The following PCDHA6 variants were observed in gnomAD, a reference collection of about 807,000 sequenced individuals.
The protein encoded by PCDHA6 is protocadherin alpha 6.
A neutral mutation model predicts 60.3 loss-of-function variants in PCDHA6; 55 were observed. The observed-to-expected ratio is 0.91, with a 90% CI of 0.73 to 1.14. The LOEUF is 1.14. PCDHA6 is among the 50% of genes most tolerant of loss of function. The pLI, the probability that PCDHA6 is intolerant of heterozygous loss-of-function variation, is 0.00. For missense variants in PCDHA6, 1,327 were observed against 1,256.5 expected, an observed-to-expected ratio of 1.06 and a Z score of -0.85; for synonymous variants, 652 against 557.9, an observed-to-expected ratio of 1.17 and a Z score of -2.38.
At chr5:140,835,791 C>T in intron 1 of PCDHA6, 1 of 1,613,176 alleles carries the variant, frequency 6.2e-7, no homozygotes, top group Non-Finnish European at 8.5e-7. Flanking sequence ...GAACAACCCG[C>T]CGGGCTGCCA....
In PCDHA6 at chr5:140,857,031, C is replaced by A. The variant is rs782539359; in HGVS notation, c.2394+26546C>A. 6 of 1,596,318 alleles carry A rather than the reference C, an allele frequency of 3.8e-6. No homozygotes were observed. The South Asian group carries it at 6.6e-5, about 18-fold the overall frequency. On this transcript the variant is annotated intron_variant, in intron 1 of 3. Coordinates refer to ENST00000529310, the MANE Select transcript of PCDHA6 (RefSeq NM_018909.4). The stretch of plus-strand genomic sequence containing the variant: ...GATGTTACAGATAAGGGAAACCCAC[C>A]TATGGTTGGTCACTGCACGGTCCTA...
intron 1 of PCDHA6, among the ~76,000 whole-genome samples, chr5:140,951,775 A>G (rs1554220072): frequency 1.3e-5 from 2 of 152,164 alleles, no homozygotes; most frequent in African/African-American, 4.8e-5. Context: ...ACGTTCTTAC[A>G]TTGCAAAATA....
intron 1 of PCDHA6, chr5:140,866,767 G>C (rs913136809): frequency 1.3e-5 from 2 of 152,154 alleles, no homozygotes; most frequent in East Asian, 1.9e-4. Context: ...CATACAGGCA[G>C]ATTGTATGTC....
At chr5:140,884,344 G>C in intron 1 of PCDHA6, 1 of 1,613,904 alleles carries the variant, frequency 6.2e-7, no homozygotes, top group Non-Finnish European at 8.5e-7. Context: ...CAGAAGCGGC[G>C]CTGGTGGATG....
At chr5:140,928,977 T>C in intron 1 of PCDHA6, 1 of 1,613,888 alleles carries the variant, frequency 6.2e-7, no homozygotes, top group Non-Finnish European at 8.5e-7. Context: ...CCTTTTTATT[T>C]CTGGGGTGCT....
Position 140,883,957 on chromosome 5 carries a change from G to A in PCDHA6, c.2394+53472G>A, listed in dbSNP as rs879988838. ...TGCTGGACGAGAACGACAACGCTCC[G>A]GCGCTGCTGACGCCCGGGGCTGGCA... On this transcript the variant is annotated intron_variant, in intron 1 of 3. Coordinates refer to ENST00000529310, the MANE Select transcript of PCDHA6 (RefSeq NM_018909.4). 10 of 1,613,246 alleles carry A rather than the reference G, an allele frequency of 6.2e-6. No individual in the cohort carries two copies. In the East Asian group the frequency reaches 1.3e-4, roughly 22 times the overall value.
At chr5:140,858,414 T>C (rs2045398069) in intron 1 of PCDHA6, 1 of 1,562,782 alleles carries the variant, frequency 6.4e-7, no homozygotes. Flanking sequence ...GATCAGTCTA[T>C]TGGAGGGGAC....
chr5:140,908,405 C>T (rs2073952752), intron 1 of PCDHA6, among the ~76,000 whole-genome samples: 1 of 152,150 alleles, frequency 6.6e-6, no homozygotes, highest in Non-Finnish European at 1.5e-5. Flanking sequence ...ATACCACTTC[C>T]ATTTGATGAT....
intron 1 of PCDHA6, among the ~76,000 whole-genome samples, chr5:140,947,689 G>A (rs1276078725): frequency 2.0e-5 from 3 of 151,490 alleles, no homozygotes; most frequent in African/African-American, 4.8e-5. Context: ...GTCTCAGCAT[G>A]TTCTGTAGTT....
intron 1 of PCDHA6, among the ~76,000 whole-genome samples, chr5:140,834,039 C>T (rs2150213066): frequency 6.6e-6 from 1 of 152,144 alleles, no homozygotes; most frequent in Non-Finnish European, 1.5e-5. Flanking sequence ...CATCAGTCGC[C>T]TAAGAATGCT....
At chr5:140,986,859 C>T (rs1554248338) in intron 3 of PCDHA6, among the ~76,000 whole-genome samples, 1 of 152,152 alleles carries the variant, frequency 6.6e-6, no homozygotes, top group East Asian at 1.9e-4. Context: ...ACCAACAATA[C>T]CCGGAAACTT....
chr5:140,967,836 A>G, intron 1 of PCDHA6: 1 of 1,614,136 alleles, frequency 6.2e-7, no homozygotes, highest in African/African-American at 1.3e-5. Flanking sequence ...GACATCGTGG[A>G]CGTGAATGAC....
At position 140,857,621 on chromosome 5, in the gene PCDHA6, G is replaced by A. The variant is rs962164938; in HGVS notation, c.2394+27136G>A. ...GTACGCGCTGCAGCCGCTGGACCAC[G>A]AGGAGCTGGAGCTGCTACAGTTCCA... On this transcript the variant is annotated intron_variant, in intron 1 of 3. Transcript: ENST00000529310. The A allele has an allele frequency of 4.4e-6, 7 of 1,596,528 alleles. 1 individual carries two copies. In the African/African-American group the frequency reaches 8.1e-5, roughly 18 times the overall value.
chr5:140,881,446 TC>T, intron 1 of PCDHA6: 1 of 787,056 alleles, frequency 1.3e-6, no homozygotes, highest in Non-Finnish European at 1.5e-6. Flanking sequence ...AAAAACAGAA[TC>T]CAAAACCTTA....
rs1424640992 is a variant in PCDHA6 at position 140,843,839 on chromosome 5, T to A, written c.2394+13354T>A. On this transcript the variant is annotated intron_variant, in intron 1 of 3. Transcript: ENST00000529310. The stretch of plus-strand genomic sequence containing the variant: ...GAAAATTTAAACATTGTTTAGTTTT[T>A]AGAAACCTTTTATAATTAATTGAAT... The A allele has an allele frequency of 3.1e-5, 33 of 1,049,446 alleles. 4 individuals carry two copies. The Admixed American group carries it at 7.9e-4, about 25-fold the overall frequency. 65.0% of individuals were successfully genotyped at this position (1,049,446 alleles called of 1,614,324 possible).
rs569501434 is a variant in PCDHA6 at position 140,980,458 on chromosome 5, T to C, written c.2453+1451T>C. Among the ~76,000 whole-genome samples the C allele has an allele frequency of 1.6e-4, 25 of 152,264 alleles. No individual in the cohort carries two copies. The South Asian group carries it at 2.7e-3, about 16-fold the overall frequency. ...CATCCTGGACAACACGGTGAAACCC[T>C]GTCTCTACTAAAAATACAAAAATTA... On this transcript the variant is annotated intron_variant, in intron 2 of 3. Coordinates refer to ENST00000529310, the MANE Select transcript of PCDHA6 (RefSeq NM_018909.4).
chr5:140,870,475 G>T, intron 1 of PCDHA6: 2 of 1,614,214 alleles, frequency 1.2e-6, no homozygotes, highest in Non-Finnish European at 1.7e-6. Flanking sequence ...CGCACAGCCC[G>T]AGTACACCGT....
chr5:140,886,827 GAA>G (rs782016620), intron 1 of PCDHA6, among the ~76,000 whole-genome samples: 14 of 60,910 alleles, frequency 2.3e-4, no homozygotes, highest in Non-Finnish European at 3.3e-4. Context: ...ACTTCGTCTT[GAA>G]AAAAAAAAAA....
chr5:140,869,552 C>G lies in PCDHA6; in HGVS notation c.2394+39067C>G, dbSNP rs537127263. ...ATTGCGGAATCTAAGCAATCGGACT[C>G]GCGTTTTCCACTAGAGGGAGCTTCT... On this transcript the variant is annotated intron_variant, in intron 1 of 3. Transcript: ENST00000529310. 12 of 1,614,022 alleles carry G rather than the reference C, an allele frequency of 7.4e-6. No homozygotes were observed. The African/African-American group carries it at 1.5e-4, about 20-fold the overall frequency.
Sources: gnomAD v4.1 joint callset for allele counts (sites outside exome capture counted in the v4.1 genomes callset) on GRCh38, gnomAD v4.1.1 for gene constraint, MANE v1.5 for transcripts, NCBI Gene and HGNC (gene_info 2026-07-23, HGNC 2026-07-21) for gene names.